The following GRM5 variants were observed in gnomAD, a reference collection of about 807,000 sequenced individuals.
GRM5 encodes metabotropic glutamate receptor 5.
In GRM5, 19 loss-of-function variants were observed where a neutral mutation model predicts 83.1. That is an observed-to-expected ratio of 0.23 (90% CI 0.16 to 0.34). The LOEUF (loss-of-function observed/expected upper bound fraction) is 0.34. Among genes scored for constraint, GRM5 ranks in the 10% least tolerant of loss-of-function variants. The pLI is 1.00. For synonymous variants in GRM5, 675 were observed against 633.6 expected, an observed-to-expected ratio of 1.07 and a Z score of -0.98; for missense variants, 1,160 against 1,588.3, an observed-to-expected ratio of 0.73 and a Z score of 4.58.
chr11:88,669,763 A>C (rs1332559463), intron 3 of GRM5, among the ~76,000 whole-genome samples: 1 of 152,046 alleles, frequency 6.6e-6, no homozygotes, highest in Non-Finnish European at 1.5e-5. Flanking sequence ...CATGCATGCA[A>C]GATAAATTAT....
intron 3 of GRM5, among the ~76,000 whole-genome samples, chr11:88,808,060 T>TAC (rs142554539): frequency 0.025 from 3,865 of 152,090 alleles, 173 homozygotes; most frequent in African/African-American, 0.089. Flanking sequence ...GTTTACTGAT[T>TAC]ACTATATAAT....
intron 3 of GRM5, among the ~76,000 whole-genome samples, chr11:88,692,886 C>A (rs572598116): frequency 3.9e-5 from 6 of 152,058 alleles, no homozygotes; most frequent in Non-Finnish European, 5.9e-5. Flanking sequence ...TCATAGTCAA[C>A]GTGAGGAGAA....
chr11:88,901,827 C>T (rs2047507), intron 2 of GRM5, among the ~76,000 whole-genome samples: 2,952 of 152,122 alleles, frequency 0.019, 47 homozygotes, highest in East Asian at 0.066. Flanking sequence ...ACATTTTTGA[C>T]GATACCTTTT....
At chr11:88,883,984 G>A (rs1484083349) in intron 2 of GRM5, among the ~76,000 whole-genome samples, 10 of 152,162 alleles carry the variant, frequency 6.6e-5, no homozygotes, top group Admixed American at 5.2e-4. Flanking sequence ...CTCTGCTACA[G>A]CACTATGGAA....
At chr11:88,623,908 T>C (rs944273899) in intron 4 of GRM5, among the ~76,000 whole-genome samples, 1 of 152,188 alleles carries the variant, frequency 6.6e-6, no homozygotes, top group African/African-American at 2.4e-5. Flanking sequence ...ACTTCATTTA[T>C]TTATCCTAAA....
intron 2 of GRM5, among the ~76,000 whole-genome samples, chr11:89,040,122 T>C (rs1343366426): frequency 6.6e-6 from 1 of 152,090 alleles, no homozygotes; most frequent in Non-Finnish European, 1.5e-5. Flanking sequence ...CGAACATTCT[T>C]TGTAGTGCCT....
At chr11:88,919,338 C>G (rs3016248) in intron 2 of GRM5, among the ~76,000 whole-genome samples, 66,148 of 138,226 alleles carry the variant, frequency 0.48, 17,339 homozygotes, top group South Asian at 0.64. Context: ...GTCAATTCAG[C>G]AAGTGGATAT....
intron 7 of GRM5, among the ~76,000 whole-genome samples, chr11:88,571,655 A>C (rs988465489): frequency 3.3e-5 from 5 of 152,214 alleles, no homozygotes; most frequent in African/African-American, 9.6e-5. Flanking sequence ...CAGTTATGCT[A>C]TATTAGTCTT....
intron 4 of GRM5, among the ~76,000 whole-genome samples, chr11:88,623,001 G>A (rs575959474): frequency 6.6e-6 from 1 of 152,276 alleles, no homozygotes; most frequent in African/African-American, 2.4e-5. Flanking sequence ...TATAGGGAAA[G>A]TGTGGGTAAG....
intron 1 of GRM5, among the ~76,000 whole-genome samples, chr11:89,064,488 C>G (rs1591090030): frequency 6.6e-6 from 1 of 152,246 alleles, no homozygotes; most frequent in African/African-American, 2.4e-5. Flanking sequence ...CAGGATCTTG[C>G]CAACTGCCTT....
At chr11:89,063,484 C>A (rs1481715865) in intron 1 of GRM5, 1 of 152,606 alleles carries the variant, frequency 6.6e-6, no homozygotes, top group Non-Finnish European at 1.5e-5. Context: ...AGCTTACCCC[C>A]CTGTTGGCTG....
At chr11:88,926,813 G>A (rs559918252) in intron 2 of GRM5, among the ~76,000 whole-genome samples, 3 of 152,110 alleles carry the variant, frequency 2.0e-5, no homozygotes, top group South Asian at 2.1e-4. Flanking sequence ...ATTGTTTATC[G>A]CACACCTAGA....
chr11:88,506,958 A>G lies in GRM5; in HGVS notation c.*1634T>C, dbSNP rs1358207143. The G allele has an allele frequency of 6.6e-6, 1 of 152,160 alleles. No homozygotes were observed. The highest frequency in any genetic ancestry group is 2.4e-5 in the African/African-American group (1 of 41,404). 9.4% of individuals were successfully genotyped at this position (152,160 alleles called of 1,614,324 possible). A position where few individuals can be genotyped will look rare whatever the true frequency, so the allele number is the denominator to read the frequency against. Reference sequence around the variant, plus strand: ...CACATATTTTTCATAAGGCTATCTTAAGTATAAGGCTGGGTCAACTGAACT... The same window carrying G: ...CACATATTTTTCATAAGGCTATCTTGAGTATAAGGCTGGGTCAACTGAACT... On this transcript the variant is annotated 3_prime_UTR_variant, in exon 10 of 10. Coordinates refer to ENST00000305447, the MANE Select transcript of GRM5 (RefSeq NM_001143831.3).
intron 8 of GRM5, among the ~76,000 whole-genome samples, chr11:88,547,735 A>G (rs911856291): frequency 7.2e-5 from 11 of 152,296 alleles, no homozygotes; most frequent in African/African-American, 2.6e-4. Flanking sequence ...ATGGGTTCAC[A>G]TCAGCTCAAT....
At chr11:88,522,603 C>CTCTCTCTCTCTGTG (rs1206475339) in intron 9 of GRM5, among the ~76,000 whole-genome samples, 7 of 127,214 alleles carry the variant, frequency 5.5e-5, no homozygotes, top group Non-Finnish European at 6.6e-5. Context: ...CTCTCTCTCT[C>CTCTCTCTCTCTGTG]TGTGTGTGTG....
At chr11:88,949,894 T>C (rs1295937157) in intron 2 of GRM5, among the ~76,000 whole-genome samples, 1 of 152,158 alleles carries the variant, frequency 6.6e-6, no homozygotes, top group African/African-American at 2.4e-5. Flanking sequence ...AGGTGGGGTC[T>C]TGCTCTGTTG....
intron 2 of GRM5, among the ~76,000 whole-genome samples, chr11:88,882,240 ATAAG>A (rs1253743469): frequency 6.9e-6 from 1 of 145,524 alleles, no homozygotes; most frequent in Non-Finnish European, 1.5e-5. Flanking sequence ...CTGAATCAAA[ATAAG>A]TAAGTAAATA....
intron 3 of GRM5, among the ~76,000 whole-genome samples, chr11:88,781,196 A>C (rs1325024974): frequency 6.6e-6 from 1 of 151,076 alleles, no homozygotes. Context: ...TTTGAAGAGC[A>C]TGTGGGAGAG....
chr11:88,970,853 T>C (rs933868561), intron 2 of GRM5, among the ~76,000 whole-genome samples: 1 of 152,204 alleles, frequency 6.6e-6, no homozygotes, highest in African/African-American at 2.4e-5. Flanking sequence ...AGCATATTAA[T>C]ACAGGGAAAT....
Sources: gnomAD v4.1 joint callset for allele counts (sites outside exome capture counted in the v4.1 genomes callset) on GRCh38, gnomAD v4.1.1 for gene constraint, MANE v1.5 for transcripts, NCBI Gene and HGNC (gene_info 2026-07-23, HGNC 2026-07-21) for gene names.